OPCML: variants seen among roughly 807,000 people sequenced by gnomAD.
OPCML encodes opioid-binding protein/cell adhesion molecule.
A neutral mutation model predicts 37.8 loss-of-function variants in OPCML; 13 were observed. The observed-to-expected ratio is 0.34, with a 90% CI of 0.22 to 0.55. The LOEUF is 0.55. OPCML is among the 20% of genes least tolerant of loss of function. The pLI, the probability that OPCML is intolerant of heterozygous loss-of-function variation, is 0.91. For missense variants in OPCML, 341 were observed against 435.6 expected, an observed-to-expected ratio of 0.78 and a Z score of 1.93; for synonymous variants, 176 against 168.8, an observed-to-expected ratio of 1.04 and a Z score of -0.33.
At position 132,479,165 on chromosome 11, in the gene OPCML, T is replaced by C. The variant is rs559667838; in HGVS notation, c.506-41806A>G. ...GGGAGTGCCAGACAGTGGGCTCAGGTCAGTGGGTGCATGAGCCAAAAAAGG... is the reference window on the plus strand; with the variant it reads ...GGGAGTGCCAGACAGTGGGCTCAGGCCAGTGGGTGCATGAGCCAAAAAAGG... On this transcript the variant is annotated intron_variant, in intron 4 of 7. Transcript: ENST00000524381. Among the ~76,000 whole-genome samples, 91 of 151,978 alleles carry C rather than the reference T, an allele frequency of 6.0e-4. No individual in the cohort carries two copies. In the South Asian group the frequency reaches 1.0e-2, roughly 17 times the overall value.
intron 2 of OPCML, among the ~76,000 whole-genome samples, chr11:132,871,574 C>G (rs890743928): frequency 6.6e-6 from 1 of 152,164 alleles, no homozygotes; most frequent in Non-Finnish European, 1.5e-5. Context: ...GAACCAATCC[C>G]CATGGATGCG....
intron 1 of OPCML, among the ~76,000 whole-genome samples, chr11:133,513,316 G>A (rs1052883113): frequency 5.9e-5 from 9 of 152,300 alleles, no homozygotes; most frequent in South Asian, 2.1e-4. Context: ...TCTTCAGCAC[G>A]ACAAGAGTGT....
intron 1 of OPCML, among the ~76,000 whole-genome samples, chr11:133,082,778 C>G (rs950053020): frequency 1.4e-5 from 2 of 147,646 alleles, no homozygotes; most frequent in African/African-American, 5.0e-5. Flanking sequence ...GCGGCCTCCC[C>G]GCCCCGGCGC....
chr11:132,953,142 C>A (rs7358510), intron 1 of OPCML, among the ~76,000 whole-genome samples: 95,244 of 151,872 alleles, frequency 0.63, 30,413 homozygotes, highest in East Asian at 0.72. Context: ...ATGCATGTAA[C>A]TTCTCTGTCT....
At chr11:132,853,398 T>C (rs1218619258) in intron 2 of OPCML, among the ~76,000 whole-genome samples, 1 of 152,294 alleles carries the variant, frequency 6.6e-6, no homozygotes, top group East Asian at 1.9e-4. Context: ...ATTTTTACTG[T>C]GTGATTTTAC....
At chr11:133,491,913 C>T (rs557377693) in intron 1 of OPCML, among the ~76,000 whole-genome samples, 2 of 152,316 alleles carry the variant, frequency 1.3e-5, no homozygotes, top group East Asian at 1.9e-4. Flanking sequence ...TTCTCACTCA[C>T]GAGGCCTTTC....
chr11:132,646,144 T>A (rs1233026930), intron 3 of OPCML, among the ~76,000 whole-genome samples: 1 of 152,134 alleles, frequency 6.6e-6, no homozygotes, highest in Admixed American at 6.6e-5. Flanking sequence ...GCTCAGGTGA[T>A]GGGTGCACCA....
chr11:132,864,259 C>T (rs1942431105), intron 2 of OPCML, among the ~76,000 whole-genome samples: 1 of 152,216 alleles, frequency 6.6e-6, no homozygotes, highest in East Asian at 1.9e-4. Flanking sequence ...TTTGAAGGTT[C>T]CCATGTACAC....
chr11:133,285,368 T>G (rs1485917382), intron 1 of OPCML, among the ~76,000 whole-genome samples: 1 of 152,180 alleles, frequency 6.6e-6, no homozygotes, highest in African/African-American at 2.4e-5. Context: ...CTTAGAAATA[T>G]AACTCAGCTG....
chr11:132,861,838 T>TA (rs58457650), intron 2 of OPCML, among the ~76,000 whole-genome samples: 954 of 94,300 alleles, frequency 0.01, 3 homozygotes, highest in Non-Finnish European at 0.012. Context: ...CCATCTCAAA[T>TA]AAAAAAAAAA....
chr11:133,228,841 G>A (rs1940153067), intron 1 of OPCML, among the ~76,000 whole-genome samples: 1 of 152,268 alleles, frequency 6.6e-6, no homozygotes, highest in African/African-American at 2.4e-5. Flanking sequence ...TGGGCCAAGA[G>A]GAGCAGGTCC....
At chr11:132,828,263 C>T (rs189104575) in intron 2 of OPCML, among the ~76,000 whole-genome samples, 16 of 152,184 alleles carry the variant, frequency 1.1e-4, no homozygotes, top group Admixed American at 4.6e-4. Context: ...GCGCGTGGAA[C>T]ACAGAAGACA....
intron 1 of OPCML, among the ~76,000 whole-genome samples, chr11:133,409,564 A>C (rs1945600563): frequency 1.3e-5 from 2 of 152,148 alleles, no homozygotes; most frequent in Admixed American, 6.6e-5. Context: ...CAGGGGTCTT[A>C]TATACATTTT....
chr11:132,510,331 T>C (rs2096266259), intron 4 of OPCML, among the ~76,000 whole-genome samples: 1 of 152,060 alleles, frequency 6.6e-6, no homozygotes, highest in South Asian at 2.1e-4. Flanking sequence ...CTGTGGACTT[T>C]TGGGTTAATG....
At chr11:132,876,944 A>AT (rs1943042789) in intron 2 of OPCML, among the ~76,000 whole-genome samples, 1 of 152,182 alleles carries the variant, frequency 6.6e-6, no homozygotes, top group Non-Finnish European at 1.5e-5. Context: ...AAGATGCTTA[A>AT]TTTTCTCCAG....
chr11:133,423,369 G>A (rs1223077624), intron 1 of OPCML: 3 of 985,364 alleles, frequency 3.0e-6, no homozygotes, highest in Non-Finnish European at 3.6e-6. Context: ...ATAACTGAGA[G>A]TGGACAGTAA....
rs186212009 is a variant in OPCML at position 132,796,459 on chromosome 11, C to A, written c.147-139140G>T. 7.0e-3 allele frequency among the ~76,000 whole-genome samples: 1,065 copies of A among 151,850 alleles called. 10 individuals are homozygous for A. Among genetic ancestry groups the A allele is most frequent in the Non-Finnish European group, 7.6e-3 (516 of 67,984 alleles). On this transcript the variant is annotated intron_variant, in intron 2 of 7. Transcript: ENST00000524381. The stretch of plus-strand genomic sequence containing the variant: ...TTATGTTTAATCTTTTGAAGACCTG[C>A]CAGATTGTTTTCCAAAAACAACTTT...
Position 132,565,421 on chromosome 11 carries a change from C to A in OPCML, c.380-36235G>T, listed in dbSNP as rs560693149. On this transcript the variant is annotated intron_variant, in intron 3 of 7. Transcript: ENST00000524381. Reference sequence around the variant, plus strand: ...TACTCAGATTTGACCTTCTCCCGAACGTTAGCTTTCACATGACTCCAGTGC... The same window carrying A: ...TACTCAGATTTGACCTTCTCCCGAAAGTTAGCTTTCACATGACTCCAGTGC... 2.0e-4 allele frequency among the ~76,000 whole-genome samples: 30 copies of A among 152,306 alleles called. No individual in the cohort carries two copies. The South Asian group carries it at 6.0e-3, about 30-fold the overall frequency.
chr11:132,483,243 T>C (rs935817200), intron 4 of OPCML, among the ~76,000 whole-genome samples: 13 of 149,264 alleles, frequency 8.7e-5, no homozygotes, highest in Non-Finnish European at 1.3e-4. Flanking sequence ...AAAATCAATG[T>C]GCAAAAATCA....
Sources: gnomAD v4.1 joint callset for allele counts (sites outside exome capture counted in the v4.1 genomes callset) on GRCh38, gnomAD v4.1.1 for gene constraint, MANE v1.5 for transcripts, NCBI Gene and HGNC (gene_info 2026-07-23, HGNC 2026-07-21) for gene names.